PPP6R2: variants seen among roughly 807,000 people sequenced by gnomAD.
PPP6R2 encodes the protein serine/threonine-protein phosphatase 6 regulatory subunit 2.
In PPP6R2, 62 loss-of-function variants were observed where a neutral mutation model predicts 100.2. That is an observed-to-expected ratio of 0.62 (90% CI 0.50 to 0.76). The LOEUF (loss-of-function observed/expected upper bound fraction) is 0.76. PPP6R2 is among the 30% of genes least tolerant of loss of function. PPP6R2 has a pLI of 0.00. For synonymous variants in PPP6R2, 525 were observed against 514.7 expected, an observed-to-expected ratio of 1.02 and a Z score of -0.27; for missense variants, 1,142 against 1,276.3, an observed-to-expected ratio of 0.89 and a Z score of 1.60.
upstream of PPP6R2, among the ~76,000 whole-genome samples, chr22:50,341,153 C>G (rs2042365133): frequency 6.6e-6 from 1 of 151,960 alleles, no homozygotes; most frequent in African/African-American, 2.4e-5. Context: ...TTCAAATGAT[C>G]CACCCGCCTC....
At position 50,440,058 on chromosome 22, in the gene PPP6R2, G is replaced by T; in HGVS notation, c.2374+9G>T. 2 of 1,608,874 alleles carry T rather than the reference G, an allele frequency of 1.2e-6. No individual in the cohort carries two copies. Among genetic ancestry groups the T allele is most frequent in the South Asian group, 2.2e-5 (2 of 90,816 alleles). ...AGGCCCTGAGAAAGCCTGTGAGTAG[G>T]AGCAGTGCAGGCGGCACCCAGCCTT... On this transcript the variant is annotated intron_variant, in intron 21 of 23. Transcript: ENST00000612753.
intron 1 of PPP6R2, among the ~76,000 whole-genome samples, chr22:50,363,180 G>T (rs2048116181): frequency 6.6e-6 from 1 of 152,288 alleles, no homozygotes; most frequent in South Asian, 2.1e-4. Context: ...GTGATTGCTG[G>T]GGTGGGCCTG....
Position 50,437,488 on chromosome 22 carries a change from T to TCCCCC in PPP6R2, c.1684-15_1684-14insCCCCC. ...TGACCGGTGTCTGTCCGTCCCTCCC[T>TCCCCC]CCCTCCCTCCCTCCCAGGCCTTCTC... On this transcript the variant is annotated splice_polypyrimidine_tract_variant and intron_variant, in intron 15 of 23. Transcript: ENST00000612753. 1.2e-4 allele frequency: 43 copies of TCCCCC among 369,078 alleles called. No individual in the cohort carries two copies. Among genetic ancestry groups the TCCCCC allele is most frequent in the South Asian group, 1.6e-4 (8 of 48,528 alleles). 22.9% of individuals were successfully genotyped at this position (369,078 alleles called of 1,614,324 possible).
Position 50,406,841 on chromosome 22 carries a change from C to A in PPP6R2, c.380C>A (p.Thr127Asn), listed in dbSNP as rs769818706. 6.2e-7 allele frequency: 1 copy of A among 1,614,122 alleles called. No individual in the cohort carries two copies. Among genetic ancestry groups the A allele is most frequent in the Non-Finnish European group, 8.5e-7 (1 of 1,179,992 alleles). Residue 127 changes from threonine to asparagine, a missense_variant, in exon 4 of 24, where the codon ACC becomes AAC. Physicochemically the swap from Thr to Asn is moderately conservative, Grantham distance 65. This residue lies in a region of PPP6R2 where 592 missense variants were observed against 758.9 expected (regional missense o/e 0.78). Transcript: ENST00000612753. ...NPLLASFFSK[T>N]IGNLIARKTE... ...CTGCTCGCCAGTTTTTTCAGCAAGACCATTGGCAATCTCATTGCAAGAAAA... is the reference window on the plus strand; with the variant it reads ...CTGCTCGCCAGTTTTTTCAGCAAGAACATTGGCAATCTCATTGCAAGAAAA...
chr22:50,434,230 A>G, intron 12 of PPP6R2, among the ~76,000 whole-genome samples: 1 of 71,242 alleles, frequency 1.4e-5, no homozygotes, highest in Non-Finnish European at 2.8e-5. Flanking sequence ...GGGGGCATGG[A>G]TGCTGGGCAG....
intron 1 of PPP6R2, among the ~76,000 whole-genome samples, chr22:50,351,026 G>GGT (rs1386357403): frequency 0.039 from 3,179 of 80,632 alleles, 480 homozygotes; most frequent in African/African-American, 0.08. Flanking sequence ...TCTCAACAGT[G>GGT]TTTTTTTTTT....
intron 4 of PPP6R2, among the ~76,000 whole-genome samples, chr22:50,412,126 C>G (rs887339674): frequency 3.9e-5 from 6 of 152,096 alleles, no homozygotes; most frequent in Admixed American, 2.0e-4. Flanking sequence ...AATATCACAA[C>G]TAGAATATTG....
chr22:50,374,540 G>A (rs916216121), intron 2 of PPP6R2, among the ~76,000 whole-genome samples: 1 of 152,140 alleles, frequency 6.6e-6, no homozygotes, highest in African/African-American at 2.4e-5. Context: ...AGTATTAATA[G>A]CTTTGAACTT....
chr22:50,340,088 G>GGAGGGT (rs2042355248), upstream of PPP6R2, among the ~76,000 whole-genome samples: 1 of 143,730 alleles, frequency 7.0e-6, no homozygotes, highest in African/African-American at 2.6e-5. Flanking sequence ...TGGTGTGTGT[G>GGAGGGT]GTATGTAGTA....
At chr22:50,333,969 G>T in the PPP6R2 span, among the ~76,000 whole-genome samples, 2 of 151,614 alleles carry the variant, frequency 1.3e-5, no homozygotes, top group Admixed American at 6.6e-5. Flanking sequence ...AGCCAAGGTG[G>T]AGAGAGAGAG....
Position 50,444,179 on chromosome 22 carries a change from A to T in PPP6R2, c.2832-20A>T, listed in dbSNP as rs1166321296. ...AGGGCCCGCAGCCCGCACGGTTCCA[A>T]CCCCACCCCATTCCTGCAGGAAGAC... On this transcript the variant is annotated intron_variant, in intron 23 of 23. Transcript: ENST00000612753. 1 of 1,612,364 alleles carries T rather than the reference A, an allele frequency of 6.2e-7. No individual in the cohort carries two copies. Among genetic ancestry groups the T allele is most frequent in the African/African-American group, 1.3e-5 (1 of 74,754 alleles).
the PPP6R2 span, among the ~76,000 whole-genome samples, chr22:50,335,216 TA>T: frequency 8.0e-6 from 1 of 124,944 alleles, no homozygotes; most frequent in African/African-American, 3.1e-5. Context: ...AACACCCGGC[TA>T]ATTTTTTTTT....
intron 4 of PPP6R2, among the ~76,000 whole-genome samples, chr22:50,411,488 C>T (rs190672163): frequency 4.9e-4 from 75 of 151,940 alleles, no homozygotes; most frequent in Admixed American, 4.1e-3. Flanking sequence ...CGTGCTGGCT[C>T]ACACCTGTAA....
At chr22:50,350,586 C>G (rs1480841785) in intron 1 of PPP6R2, among the ~76,000 whole-genome samples, 1 of 151,798 alleles carries the variant, frequency 6.6e-6, no homozygotes, top group South Asian at 2.1e-4. Context: ...TGGCTCACGC[C>G]TGTAATCCCA....
At chr22:50,373,055 T>C (rs2050621921) in intron 2 of PPP6R2, among the ~76,000 whole-genome samples, 2 of 152,002 alleles carry the variant, frequency 1.3e-5, no homozygotes, top group South Asian at 2.1e-4. Flanking sequence ...TCCGTCTCAC[T>C]TGCAGGGAAC....
chr22:50,353,596 T>G (rs181184558), intron 1 of PPP6R2, among the ~76,000 whole-genome samples: 98 of 152,224 alleles, frequency 6.4e-4, no homozygotes, highest in Non-Finnish European at 1.1e-3. Context: ...AAGCACATGC[T>G]GTTGGAAAAA....
At chr22:50,346,627 C>T (rs1271382606) in intron 1 of PPP6R2, among the ~76,000 whole-genome samples, 1 of 144,422 alleles carries the variant, frequency 6.9e-6, no homozygotes, top group Admixed American at 6.9e-5. Flanking sequence ...CCCCACCCCA[C>T]CCATCAGTGC....
chr22:50,440,610 T>C (rs554315928), intron 21 of PPP6R2, among the ~76,000 whole-genome samples: 2 of 152,282 alleles, frequency 1.3e-5, no homozygotes, highest in South Asian at 4.1e-4. Flanking sequence ...TGTCCCTGTA[T>C]CATGGGGGAG....
chr22:50,357,575 G>A (rs1041085907), intron 1 of PPP6R2, among the ~76,000 whole-genome samples: 4 of 151,454 alleles, frequency 2.6e-5, no homozygotes, highest in African/African-American at 9.7e-5. Context: ...GCTCACTGCA[G>A]CTTCAAACTC....
Sources: allele counts gnomAD v4.1 joint callset (sites outside exome capture counted in the v4.1 genomes callset), GRCh38; gene constraint gnomAD v4.1.1; regional missense constraint gnomAD v4.1.1; transcripts MANE v1.5; gene names NCBI Gene and HGNC (gene_info 2026-07-23, HGNC 2026-07-21).